Variants in FAHD1 observed in about 807,000 individuals in gnomAD.
FAHD1 encodes FAH domain containing oxaloacetate decarboxylase 1.
A neutral mutation model predicts 12.7 loss-of-function variants in FAHD1; 14 were observed. That is an observed-to-expected ratio of 1.10 (90% CI 0.73 to 1.72). The LOEUF (loss-of-function observed/expected upper bound fraction) is 1.72. Among genes scored for constraint, FAHD1 ranks in the 40% most tolerant of loss-of-function variants. FAHD1 has a pLI of 0.00. For synonymous variants in FAHD1, 153 were observed against 124.9 expected (o/e 1.22, Z -1.50); for missense variants, 351 against 298.9 (o/e 1.17, Z -1.29).
At chr16:1,830,846 TG>T (rs1898606306), downstream of FAHD1, among the ~76,000 whole-genome samples, 2 of 152,078 alleles carry the variant, frequency 1.3e-5, no homozygotes. Flanking sequence ...GTTTGTCCTC[TG>T]GTCCTACGTC....
downstream of FAHD1, among the ~76,000 whole-genome samples, chr16:1,833,554 C>CTTTT (rs769668788): frequency 6.1e-5 from 7 of 114,280 alleles, no homozygotes; most frequent in East Asian, 1.1e-3. Flanking sequence ...TTTAGAGGTA[C>CTTTT]TTTTTTTTTT....
chr16:1,839,645 G>A (rs1489241622), exon 3 of FAHD1: 12 of 482,090 alleles, frequency 2.5e-5, no homozygotes, highest in East Asian at 3.6e-5. Context: ...CTGAAACTGC[G>A]TACACCAGTC....
At chr16:1,831,578 T>A (rs1194326724), downstream of FAHD1, among the ~76,000 whole-genome samples, 1 of 152,154 alleles carries the variant, frequency 6.6e-6, no homozygotes, top group Non-Finnish European at 1.5e-5. Flanking sequence ...CCCGACAGAT[T>A]GCACACTTTT....
Position 1,827,857 on chromosome 16 carries a change from C to T in FAHD1, c.619C>T (p.His207Tyr), listed in dbSNP as rs1898531058. 3.7e-6 allele frequency: 6 copies of T among 1,614,018 alleles called. No homozygotes were observed. Among genetic ancestry groups the T allele is most frequent in the Non-Finnish European group, 5.1e-6 (6 of 1,180,038 alleles). ...AAACGATGAGATCGAGGCTGGCATA[C>T]ACGGGCTGGTCAGTATGACATTTAA... is the stretch of plus-strand genomic sequence containing the variant. Residue 207 changes from histidine (H) to tyrosine (Y), a missense_variant, in exon 1 of 1, where the codon CAC (histidine) becomes TAC (tyrosine). Coordinates refer to ENST00000427358, the Ensembl canonical transcript of FAHD1.
downstream of FAHD1, among the ~76,000 whole-genome samples, chr16:1,829,423 G>A (rs1898583539): frequency 6.6e-6 from 1 of 152,072 alleles, no homozygotes. Flanking sequence ...TAGAGGCTGC[G>A]AAGGCTGGCT....
downstream of FAHD1, among the ~76,000 whole-genome samples, chr16:1,831,556 G>A (rs563362581): frequency 3.9e-5 from 6 of 152,272 alleles, no homozygotes; most frequent in South Asian, 1.0e-3. Flanking sequence ...AAGATTTTCT[G>A]GGTGGAGCAT....
chr16:1,831,297 GT>G (rs1334928944), downstream of FAHD1, among the ~76,000 whole-genome samples: 1 of 152,168 alleles, frequency 6.6e-6, no homozygotes, highest in East Asian at 1.9e-4. Flanking sequence ...GGGGATTCTT[GT>G]TCCCGTGATT....
exon 2 of FAHD1, chr16:1,838,078 CCTCGAA>C: frequency 3.4e-6 from 3 of 893,478 alleles, no homozygotes; most frequent in Non-Finnish European, 5.1e-6. Context: ...CTCACTGCAG[CCTCGAA>C]CTCCCGGGGT....
chr16:1,835,762 T>G (rs1898727219), intron 1 of FAHD1, among the ~76,000 whole-genome samples: 1 of 152,222 alleles, frequency 6.6e-6, no homozygotes, highest in Non-Finnish European at 1.5e-5. Flanking sequence ...GAAGATGCAC[T>G]GCTTCTGCCC....
At chr16:1,827,679 C>G (rs1298434023) in exon 1 of FAHD1, 1 of 1,614,120 alleles carries the variant, frequency 6.2e-7, no homozygotes, top group African/African-American at 1.3e-5. Context: ...AGCTCTGGCT[C>G]AAGGTCAACG....
At chr16:1,827,370 G>C in exon 1 of FAHD1, 4 of 1,612,688 alleles carry the variant, frequency 2.5e-6, no homozygotes, top group Non-Finnish European at 3.4e-6. Context: ...TGTTCCTGAA[G>C]CCGTCCACGG....
At chr16:1,830,683 C>T (rs567396688), downstream of FAHD1, among the ~76,000 whole-genome samples, 95 of 152,254 alleles carry the variant, frequency 6.2e-4, 1 homozygote, top group Non-Finnish European at 9.4e-4. Context: ...TCCGACAATT[C>T]CTGATATTGC....
chr16:1,835,618 G>A (rs565071005), intron 1 of FAHD1, among the ~76,000 whole-genome samples: 1 of 152,118 alleles, frequency 6.6e-6, no homozygotes, highest in Non-Finnish European at 1.5e-5. Flanking sequence ...GCTAGAACAC[G>A]TTCAGAGCTG....
downstream of FAHD1, among the ~76,000 whole-genome samples, chr16:1,833,415 G>C (rs144253537): frequency 2.3e-3 from 349 of 152,194 alleles, 3 homozygotes; most frequent in Non-Finnish European, 4.2e-3. Context: ...AAGAGCCCCA[G>C]GTGCTCAAAG....
chr16:1,838,072 C>A, exon 2 of FAHD1: 1 of 1,003,872 alleles, frequency 1.0e-6, no homozygotes, highest in Non-Finnish European at 1.4e-6. Flanking sequence ...TCACAGCTCA[C>A]TGCAGCCTCG....
In FAHD1 at chr16:1,827,742, C is replaced by G. The variant is rs776355120; in HGVS notation, c.504C>G (p.Tyr168Ter). Residue 168 changes from tyrosine (Y) to a stop codon, truncating the protein, a stop_gained, in exon 1 of 1, where the codon TAC (tyrosine) becomes TAG (stop). Transcript: ENST00000427358. LOFTEE classifies it high-confidence loss of function. ...CCTCCATGATTTTTTCCATCCCCTA[C>G]ATCATCAGCTATGTTTCTAAGATCA... The G allele has an allele frequency of 6.2e-7, 1 of 1,614,174 alleles. No individual in the cohort carries two copies. The highest frequency in any genetic ancestry group is 2.2e-5 in the East Asian group (1 of 44,884).
downstream of FAHD1, among the ~76,000 whole-genome samples, chr16:1,830,944 A>ACCCCACCCACC (rs145619324): frequency 2.0e-5 from 3 of 147,206 alleles, no homozygotes; most frequent in South Asian, 2.2e-4. Context: ...ACACACACAC[A>ACCCCACCCACC]CCCATATTTT....
exon 1 of FAHD1, chr16:1,827,639 A>G (rs1188623983): frequency 1.2e-6 from 2 of 1,613,928 alleles, no homozygotes; most frequent in African/African-American, 1.3e-5. Context: ...TTCGTGCCCA[A>G]GGAGAAGATC....
At position 1,827,279 on chromosome 16, in the gene FAHD1, GAAAGA is replaced by G; in HGVS notation, c.43_47del (p.Lys15HisfsTer123). On this transcript the variant is annotated frameshift_variant, in exon 1 of 1. Coordinates refer to ENST00000427358, the Ensembl canonical transcript of FAHD1. LOFTEE classifies it high-confidence loss of function. ...CCATTGTCCCGCTTCTGGGAGTGGG[GAAAGA>G]ACATCGTCTGCGTGGGGAGGAACTA... is the stretch of plus-strand genomic sequence containing the variant. The G allele has an allele frequency of 6.2e-7, 1 of 1,612,922 alleles. No individual in the cohort carries two copies. Among genetic ancestry groups the G allele is most frequent in the Non-Finnish European group, 8.5e-7 (1 of 1,179,664 alleles).
Sources: allele counts gnomAD v4.1 joint callset (sites outside exome capture counted in the v4.1 genomes callset), GRCh38; gene constraint gnomAD v4.1.1; transcripts MANE v1.5; gene names NCBI Gene and HGNC (gene_info 2026-07-23, HGNC 2026-07-21).